Variants in C4orf36 observed in about 807,000 individuals in gnomAD.
The protein encoded by C4orf36 is chromosome 4 open reading frame 36.
In C4orf36, 11 loss-of-function variants were observed where a neutral mutation model predicts 12.2. The observed-to-expected ratio is 0.90, with a 90% CI of 0.57 to 1.49. The LOEUF is 1.49. Ranked by LOEUF, C4orf36 falls within the 40% of genes most tolerant of loss-of-function variation. C4orf36 has a pLI of 0.00. For synonymous variants in C4orf36, 54 were observed against 51.3 expected, an observed-to-expected ratio of 1.05 and a Z score of -0.22; for missense variants, 137 against 133.9, an observed-to-expected ratio of 1.02 and a Z score of -0.11.
chr4:86,884,300 T>A (rs1053450697), intron 4 of C4orf36, among the ~76,000 whole-genome samples: 18 of 13,144 alleles, frequency 1.4e-3, no homozygotes, highest in Middle Eastern at 0.028. Context: ...AAAGACTGAA[T>A]TTTTTTTTTT....
chr4:86,928,016 G>A, the C4orf36 span, among the ~76,000 whole-genome samples: 1 of 152,278 alleles, frequency 6.6e-6, no homozygotes, highest in Non-Finnish European at 1.5e-5. Flanking sequence ...GAAAGAGATG[G>A]GCTTCACAGC....
At position 86,892,351 on chromosome 4, in the gene C4orf36, TGGCCGCGCACACGCCTCGG is replaced by T. The variant is rs1747457097; in HGVS notation, c.-261_-243del. The T allele has an allele frequency of 3.0e-6, 3 of 985,462 alleles. No homozygotes were observed. Among genetic ancestry groups the T allele is most frequent in the African/African-American group, 3.5e-5 (2 of 57,364 alleles). 61.0% of individuals were successfully genotyped at this position (985,462 alleles called of 1,614,324 possible). On this transcript the variant is annotated 5_prime_UTR_variant, in exon 1 of 5. Coordinates refer to ENST00000295898, the MANE Select transcript of C4orf36 (RefSeq NM_144645.4). ...AAGAGCGCGCTGCGCTAAGCGCACA[TGGCCGCGCACACGCCTCGG>T]GGCCGCGCCGCAGGCACACGCCTCC...
chr4:86,890,994 C>CTTTT lies in C4orf36; in HGVS notation c.65+461_65+462insAAAA, dbSNP rs554987124. Among the ~76,000 whole-genome samples, 1,297 of 151,810 alleles carry CTTTT rather than the reference C, an allele frequency of 8.5e-3. 20 individuals are homozygous for CTTTT. Among genetic ancestry groups the CTTTT allele is most frequent in the African/African-American group, 0.029 (1,217 of 41,452 alleles). On this transcript the variant is annotated intron_variant, in intron 2 of 4. Coordinates refer to ENST00000295898, the MANE Select transcript of C4orf36 (RefSeq NM_144645.4). ...CATGTGTTGTCCATCCACTGCCTGC[C>CTTTT]AAAGTATACAGGATATAAAAGCGAC...
chr4:86,882,054 T>C (rs1034894305), intron 4 of C4orf36, among the ~76,000 whole-genome samples: 4 of 152,214 alleles, frequency 2.6e-5, no homozygotes, highest in Admixed American at 1.3e-4. Context: ...TAAGAAAGCA[T>C]TCCTTTCCTG....
rs112149977 is a variant in C4orf36 at position 86,879,548 on chromosome 4, C to A, written c.*3-3105G>T. On this transcript the variant is annotated intron_variant, in intron 4 of 4. Coordinates refer to ENST00000295898, the MANE Select transcript of C4orf36 (RefSeq NM_144645.4). ...GAACGCCAAAAATACTTATAGAACA[C>A]CATCAAACAGACCAATATATGCATG... Among the ~76,000 whole-genome samples, 93 of 152,152 alleles carry A rather than the reference C, an allele frequency of 6.1e-4. 1 individual carries two copies. Among genetic ancestry groups the A allele is most frequent in the African/African-American group, 2.0e-3 (83 of 41,530 alleles).
At chr4:86,879,704 A>ATAAACCAAAGTGACCCAAACC (rs1230519492) in intron 4 of C4orf36, among the ~76,000 whole-genome samples, 1 of 152,184 alleles carries the variant, frequency 6.6e-6, no homozygotes, top group Non-Finnish European at 1.5e-5. Context: ...TCCAACTAGG[A>ATAAACCAAAGTGACCCAAACC]TAAACCAAAG....
chr4:86,876,798 G>C, intron 4 of C4orf36: 1 of 1,297,684 alleles, frequency 7.7e-7, no homozygotes. Context: ...AAAAAAAAGA[G>C]ATTTTCTCAT....
chr4:86,889,535 T>A (rs192277390), intron 2 of C4orf36, among the ~76,000 whole-genome samples: 40 of 152,254 alleles, frequency 2.6e-4, no homozygotes, highest in Admixed American at 5.2e-4. Flanking sequence ...TTTACACACA[T>A]GAACTCATGT....
the C4orf36 span, among the ~76,000 whole-genome samples, chr4:86,921,120 A>T: frequency 6.6e-6 from 1 of 151,000 alleles, no homozygotes; most frequent in African/African-American, 2.4e-5. Flanking sequence ...AGCCGAGATC[A>T]CACCATTGCA....
At chr4:86,883,088 T>C (rs1019865346) in intron 4 of C4orf36, among the ~76,000 whole-genome samples, 3 of 152,164 alleles carry the variant, frequency 2.0e-5, no homozygotes, top group Admixed American at 2.0e-4. Context: ...AAGTGCCAGG[T>C]TGTGAGTGAG....
intron 4 of C4orf36, among the ~76,000 whole-genome samples, chr4:86,885,818 T>A (rs946327770): frequency 1.4e-4 from 22 of 152,228 alleles, no homozygotes; most frequent in African/African-American, 5.3e-4. Context: ...CCATTCAGTA[T>A]GATATTGGCT....
At chr4:86,898,399 A>G in the C4orf36 span, among the ~76,000 whole-genome samples, 1 of 151,554 alleles carries the variant, frequency 6.6e-6, no homozygotes, top group Non-Finnish European at 1.5e-5. Context: ...CTCTAAATAA[A>G]TAAAAATATA....
the C4orf36 span, among the ~76,000 whole-genome samples, chr4:86,929,367 C>T: frequency 6.6e-6 from 1 of 151,982 alleles, no homozygotes; most frequent in East Asian, 1.9e-4. Flanking sequence ...TTTATTTTTA[C>T]TAGCTGTTGG....
chr4:86,927,967 T>G, the C4orf36 span, among the ~76,000 whole-genome samples: 1 of 152,164 alleles, frequency 6.6e-6, no homozygotes, highest in Non-Finnish European at 1.5e-5. Flanking sequence ...TGACTCAGAA[T>G]GGTGATGGAA....
chr4:86,883,769 T>C (rs926808254), intron 4 of C4orf36, among the ~76,000 whole-genome samples: 1 of 152,206 alleles, frequency 6.6e-6, no homozygotes. Context: ...GGCTCACACC[T>C]GTAATCCCAG....
the C4orf36 span, among the ~76,000 whole-genome samples, chr4:86,898,508 G>A: frequency 2.5e-4 from 38 of 151,762 alleles, no homozygotes; most frequent in African/African-American, 8.9e-4. Flanking sequence ...GACCAGGCTG[G>A]GCAACATGGT....
the C4orf36 span, among the ~76,000 whole-genome samples, chr4:86,905,101 A>G: frequency 6.6e-6 from 1 of 151,938 alleles, no homozygotes; most frequent in Non-Finnish European, 1.5e-5. Context: ...GGCTGGGCAC[A>G]GTGGCTCATG....
the C4orf36 span, among the ~76,000 whole-genome samples, chr4:86,909,348 C>A: frequency 6.6e-6 from 1 of 152,138 alleles, no homozygotes; most frequent in African/African-American, 2.4e-5. Flanking sequence ...AAGCCGTTTG[C>A]AACTTCTCAA....
the C4orf36 span, among the ~76,000 whole-genome samples, chr4:86,899,388 A>G: frequency 1.3e-5 from 2 of 152,246 alleles, no homozygotes; most frequent in Non-Finnish European, 2.9e-5. Context: ...GAAAGACAAA[A>G]TAAATAAAAT....
Sources: gnomAD v4.1 joint callset for allele counts (sites outside exome capture counted in the v4.1 genomes callset) on GRCh38, gnomAD v4.1.1 for gene constraint, MANE v1.5 for transcripts, NCBI Gene and HGNC (gene_info 2026-07-23, HGNC 2026-07-21) for gene names.